The following CRACDL variants were observed in gnomAD, a reference collection of about 807,000 sequenced individuals.
CRACDL encodes the protein CRACD like.
In CRACDL, 26 loss-of-function variants were observed where a neutral mutation model predicts 70.6. That is an observed-to-expected ratio of 0.37 (90% CI 0.27 to 0.51). The LOEUF is 0.51. Among genes scored for constraint, CRACDL ranks in the 20% least tolerant of loss-of-function variants. CRACDL has a pLI of 0.94. For missense variants in CRACDL, 1,283 were observed against 1,376.9 expected (o/e 0.93, Z 1.08); for synonymous variants, 618 against 615.2 (o/e 1.00, Z -0.07).
intron 1 of CRACDL, among the ~76,000 whole-genome samples, chr2:98,892,237 A>G (rs1348023219): frequency 3.3e-5 from 5 of 152,212 alleles, no homozygotes; most frequent in South Asian, 2.1e-4. Context: ...AAATGAATAA[A>G]TATATTCCCA....
chr2:98,795,779 C>T (rs1274556583), intron 9 of CRACDL, among the ~76,000 whole-genome samples: 1 of 152,124 alleles, frequency 6.6e-6, no homozygotes, highest in Admixed American at 6.5e-5. Context: ...GCCCGTGGAA[C>T]CCGCACATAA....
At position 98,821,939 on chromosome 2, in the gene CRACDL, C is replaced by T; in HGVS notation, c.2334G>A (p.Ala778=). ...GCTCTCCCGGGCCGGCGTCGGGGGG[C>T]GCGGGCTGGTGCGGGAGCGTGAAGC... The part of the protein sequence containing the change: ...LQSFTLPHQP[A]PPDAGPGERE... Residue 778 remains alanine (A), a synonymous_variant, in exon 7 of 10, where the codon GCG becomes GCA. Transcript: ENST00000397899. The T allele has an allele frequency of 6.4e-7, 1 of 1,564,476 alleles. No homozygotes were observed. The highest frequency in any genetic ancestry group is 1.8e-4 in the Middle Eastern group (1 of 5,418).
At chr2:98,893,196 G>T (rs1708023482) in intron 1 of CRACDL, among the ~76,000 whole-genome samples, 1 of 125,762 alleles carries the variant, frequency 8.0e-6, no homozygotes, top group African/African-American at 3.5e-5. Context: ...TCTGTAGCAG[G>T]CTGGAGGTCA....
At chr2:98,833,142 T>G (rs575971723) in intron 3 of CRACDL, 145 bp from the exon 4 acceptor site, 1 of 745,624 alleles carries the variant, frequency 1.3e-6, no homozygotes, top group Non-Finnish European at 2.2e-6. Context: ...GGTCCCTGAC[T>G]TCAGTTCATC....
chr2:98,832,633 TG>T (rs1705592295), intron 4 of CRACDL, 121 bp from the exon 5 acceptor site: 2 of 1,071,200 alleles, frequency 1.9e-6, no homozygotes, highest in East Asian at 4.7e-5. Context: ...TGCAGAGAAC[TG>T]AACTGAACGT....
intron 1 of CRACDL, among the ~76,000 whole-genome samples, chr2:98,895,190 C>T (rs1708087237): frequency 6.6e-6 from 1 of 152,172 alleles, no homozygotes; most frequent in African/African-American, 2.4e-5. Context: ...GAAAATTTGT[C>T]CTCAGCAGCT....
intron 1 of CRACDL, among the ~76,000 whole-genome samples, chr2:98,848,416 T>TA (rs1336952683): frequency 1.3e-5 from 2 of 152,086 alleles, no homozygotes; most frequent in South Asian, 2.1e-4. Flanking sequence ...ACATACGGTG[T>TA]AAGGGGAAGA....
intron 7 of CRACDL, among the ~76,000 whole-genome samples, chr2:98,821,155 A>C (rs1358791251): frequency 6.6e-6 from 1 of 152,100 alleles, no homozygotes; most frequent in Non-Finnish European, 1.5e-5. Context: ...CCTGGTATTT[A>C]TTTTCCCTTT....
Position 98,822,839 on chromosome 2 carries a change from T to C in CRACDL, c.1434A>G (p.Arg478=). ...PERGAGTEPE[R]IGTEPSTAPA... ...GCGCCGTGGAGGGCTCGGTCCCAAT[T>C]CTCTCGGGCTCGGTCCCCGCTCCTC... Residue 478 remains arginine, a synonymous_variant, in exon 7 of 10, where the codon AGA becomes AGG. Coordinates refer to ENST00000397899, the MANE Select transcript of CRACDL (RefSeq NM_207362.3). The surrounding 1 kb of genome is among the most constrained non-coding windows in gnomAD (Gnocchi z 4.9). The C allele has an allele frequency of 6.9e-7, 1 of 1,440,042 alleles. No homozygotes were observed. The highest frequency in any genetic ancestry group is 9.0e-7 in the Non-Finnish European group (1 of 1,105,016). 89.2% of individuals were successfully genotyped at this position (1,440,042 alleles called of 1,614,324 possible).
chr2:98,910,512 C>G (rs1708521031), intron 1 of CRACDL, among the ~76,000 whole-genome samples: 1 of 142,166 alleles, frequency 7.0e-6, no homozygotes, highest in Non-Finnish European at 1.5e-5. Context: ...CACAGCAAGA[C>G]TCTGTCTCAA....
chr2:98,796,413 A>G, intron 8 of CRACDL, 149 bp from the exon 9 acceptor site: 4 of 708,274 alleles, frequency 5.6e-6, no homozygotes, highest in Non-Finnish European at 9.6e-6. Flanking sequence ...TCAGCTCACT[A>G]ACACCGAGTG....
chr2:98,921,706 T>C (rs975505274), intron 1 of CRACDL, among the ~76,000 whole-genome samples: 4 of 152,198 alleles, frequency 2.6e-5, no homozygotes, highest in Admixed American at 2.0e-4. Context: ...TCCTGAGACG[T>C]GCTCAGAAGC....
intron 3 of CRACDL, among the ~76,000 whole-genome samples, 191 bp from the exon 4 acceptor site, chr2:98,833,188 AT>A (rs1705619227): frequency 6.6e-6 from 1 of 152,286 alleles, no homozygotes; most frequent in Non-Finnish European, 1.5e-5. Context: ...TATTTGGAGC[AT>A]TGCAGAGATA....
chr2:98,925,895 A>ACACACATGCATACACACT (rs1708899833), intron 1 of CRACDL, among the ~76,000 whole-genome samples: 2 of 152,132 alleles, frequency 1.3e-5, no homozygotes, highest in Admixed American at 1.3e-4. Flanking sequence ...GCATACACAC[A>ACACACATGCATACACACT]CACACACTTT....
At chr2:98,837,222 A>T (rs1298597439) in intron 3 of CRACDL, among the ~76,000 whole-genome samples, 1 of 151,842 alleles carries the variant, frequency 6.6e-6, no homozygotes, top group Non-Finnish European at 1.5e-5. Flanking sequence ...AAAAAAAAAA[A>T]AAGGTTCCAA....
At chr2:98,887,619 T>C (rs1036368419) in intron 1 of CRACDL, among the ~76,000 whole-genome samples, 2 of 152,088 alleles carry the variant, frequency 1.3e-5, no homozygotes, top group Admixed American at 6.6e-5. Context: ...AACTGAACAC[T>C]TCCAAAATTT....
At chr2:98,795,077 A>ATATATATATATATTTTTTTTTTTTTTTT in intron 9 of CRACDL, among the ~76,000 whole-genome samples, 1 of 58,504 alleles carries the variant, frequency 1.7e-5, no homozygotes, top group Admixed American at 2.2e-4. Flanking sequence ...ATATATATAT[A>ATATATATATATATTTTTTTTTTTTTTTT]TTTTTTTTTT....
At chr2:98,828,824 C>T (rs1320937666) in intron 5 of CRACDL, among the ~76,000 whole-genome samples, 1 of 152,216 alleles carries the variant, frequency 6.6e-6, no homozygotes, top group Non-Finnish European at 1.5e-5. Flanking sequence ...CGCAAGTCTC[C>T]TGGCAACAAG....
intron 1 of CRACDL, among the ~76,000 whole-genome samples, chr2:98,878,816 A>T (rs1005981934): frequency 2.6e-5 from 4 of 152,236 alleles, no homozygotes; most frequent in Admixed American, 6.5e-5. Context: ...TACAGTTTCC[A>T]TTGAATGCGT....
Sources: gnomAD v4.1 joint callset for allele counts (sites outside exome capture counted in the v4.1 genomes callset) on GRCh38, gnomAD v4.1.1 for gene constraint, Gnocchi (gnomAD v3.1) non-coding constraint, MANE v1.5 for transcripts, NCBI Gene and HGNC (gene_info 2026-07-23, HGNC 2026-07-21) for gene names.